Variants in NFIB observed in about 807,000 individuals in gnomAD.
NFIB encodes the protein nuclear factor 1 B-type.
In NFIB, 11 loss-of-function variants were observed where a neutral mutation model predicts 61.5. That is an observed-to-expected ratio of 0.18 (90% confidence interval 0.11 to 0.30). NFIB has a LOEUF of 0.30. NFIB is among the 10% of genes least tolerant of loss of function. The pLI is 1.00. For synonymous variants in NFIB, 260 were observed against 216.5 expected, an observed-to-expected ratio of 1.20 and a Z score of -1.76; for missense variants, 471 against 608.9, an observed-to-expected ratio of 0.77 and a Z score of 2.38.
At chr9:14,105,507 G>C (rs2036425195) in intron 10 of NFIB, among the ~76,000 whole-genome samples, 1 of 152,008 alleles carries the variant, frequency 6.6e-6, no homozygotes, top group African/African-American at 2.4e-5. Context: ...TTGAGCAAGA[G>C]CCTCTCTCTT....
At chr9:14,494,114 G>A in the NFIB span, among the ~76,000 whole-genome samples, 2 of 152,236 alleles carry the variant, frequency 1.3e-5, no homozygotes, top group African/African-American at 2.4e-5. Flanking sequence ...CTGGTGGGAT[G>A]TTGGAGTGGA....
the NFIB span, among the ~76,000 whole-genome samples, chr9:14,521,672 T>C: frequency 6.6e-6 from 1 of 152,172 alleles, no homozygotes; most frequent in Admixed American, 6.5e-5. Flanking sequence ...GTTCAGTTAA[T>C]GGAATCTTTC....
chr9:14,174,898 C>T (rs541738505), intron 3 of NFIB, among the ~76,000 whole-genome samples: 6 of 152,040 alleles, frequency 3.9e-5, no homozygotes, highest in South Asian at 2.1e-4. Flanking sequence ...AGGACCTATG[C>T]GAATTTATCT....
intron 2 of NFIB, among the ~76,000 whole-genome samples, chr9:14,225,008 A>G (rs2131866389): frequency 6.6e-6 from 1 of 152,230 alleles, no homozygotes; most frequent in East Asian, 1.9e-4. Flanking sequence ...CAACTTTTGC[A>G]TTAAATCTCA....
chr9:14,329,311 G>C (rs1276431715), intron 1 of NFIB, among the ~76,000 whole-genome samples: 1 of 152,078 alleles, frequency 6.6e-6, no homozygotes, highest in Non-Finnish European at 1.5e-5. Flanking sequence ...ATGTGGGGAA[G>C]GGGCTTCTGT....
intron 6 of NFIB, 65 bp from the exon 7 acceptor site, chr9:14,125,831 A>G: frequency 6.4e-7 from 1 of 1,571,784 alleles, no homozygotes; most frequent in Non-Finnish European, 8.6e-7. Flanking sequence ...TCATGTCAAC[A>G]AATGACAGAT....
At chr9:14,460,672 A>G in the NFIB span, among the ~76,000 whole-genome samples, 1 of 152,196 alleles carries the variant, frequency 6.6e-6, no homozygotes, top group Non-Finnish European at 1.5e-5. Context: ...TAATAATGAA[A>G]TTTTAAATAA....
At chr9:14,268,381 G>C (rs961846042) in intron 2 of NFIB, among the ~76,000 whole-genome samples, 5 of 152,036 alleles carry the variant, frequency 3.3e-5, no homozygotes, top group Non-Finnish European at 7.4e-5. Flanking sequence ...TACTCTTTCA[G>C]CCTAGTCTCT....
intron 2 of NFIB, among the ~76,000 whole-genome samples, chr9:14,270,900 G>A (rs1439193954): frequency 1.3e-5 from 2 of 152,082 alleles, no homozygotes; most frequent in Non-Finnish European, 2.9e-5. Context: ...GTATGAAGCT[G>A]AGTCTCCGTA....
chr9:14,350,048 C>T (rs1406067303), intron 1 of NFIB, among the ~76,000 whole-genome samples: 2 of 152,140 alleles, frequency 1.3e-5, no homozygotes, highest in Non-Finnish European at 2.9e-5. Context: ...CACGCACGCA[C>T]GGGTGGGCTT....
chr9:14,376,815 G>A (rs1245067514), intron 1 of NFIB, among the ~76,000 whole-genome samples: 2 of 149,896 alleles, frequency 1.3e-5, no homozygotes, highest in Non-Finnish European at 3.0e-5. Context: ...ACTGCGCCTG[G>A]CTTAAAAGTG....
intron 1 of NFIB, among the ~76,000 whole-genome samples, chr9:14,345,050 G>A (rs911680441): frequency 6.6e-6 from 1 of 152,134 alleles, no homozygotes; most frequent in Non-Finnish European, 1.5e-5. Context: ...CAGGGGTTCT[G>A]GGAGTCCGTC....
the NFIB span, among the ~76,000 whole-genome samples, chr9:14,477,322 A>G: frequency 6.6e-6 from 1 of 152,240 alleles, no homozygotes; most frequent in Admixed American, 6.5e-5. Context: ...GAAAATTAAA[A>G]GTCCCCCTCT....
At chr9:14,525,395 T>C in the NFIB span, among the ~76,000 whole-genome samples, 7 of 152,212 alleles carry the variant, frequency 4.6e-5, no homozygotes, top group Non-Finnish European at 8.8e-5. Context: ...TCTCCCCTTA[T>C]CAGTGGAGTG....
chr9:14,331,272 C>A (rs2060817809), intron 1 of NFIB, among the ~76,000 whole-genome samples: 1 of 152,146 alleles, frequency 6.6e-6, no homozygotes, highest in African/African-American at 2.4e-5. Context: ...ATTCATGATC[C>A]AGGTCATTCT....
intron 1 of NFIB, among the ~76,000 whole-genome samples, chr9:14,395,798 C>G (rs903793205): frequency 1.0e-4 from 13 of 129,928 alleles, no homozygotes; most frequent in African/African-American, 3.7e-4. Flanking sequence ...GGTGACATCA[C>G]AGATAGCCAT....
At chr9:14,435,137 T>C in the NFIB span, among the ~76,000 whole-genome samples, 1 of 152,248 alleles carries the variant, frequency 6.6e-6, no homozygotes, top group Non-Finnish European at 1.5e-5. Flanking sequence ...TCCTGAGCCA[T>C]GCATGCCCTA....
At chr9:14,198,071 G>C (rs1208274122) in intron 2 of NFIB, among the ~76,000 whole-genome samples, 2 of 152,190 alleles carry the variant, frequency 1.3e-5, no homozygotes, top group African/African-American at 2.4e-5. Flanking sequence ...ACAGCCATAA[G>C]AATTAGTAGG....
intron 1 of NFIB, among the ~76,000 whole-genome samples, chr9:14,310,733 A>G (rs1355962937): frequency 1.3e-5 from 2 of 152,206 alleles, no homozygotes; most frequent in African/African-American, 4.8e-5. Flanking sequence ...AAATGCATTG[A>G]TGTTCAGTAA....
Sources: allele counts gnomAD v4.1 joint callset (sites outside exome capture counted in the v4.1 genomes callset), GRCh38; gene constraint gnomAD v4.1.1; transcripts MANE v1.5; gene names NCBI Gene and HGNC (gene_info 2026-07-23, HGNC 2026-07-21).